The following KRT82 variants were observed in gnomAD, a reference collection of about 807,000 sequenced individuals.
KRT82 encodes the protein keratin 82.
A neutral mutation model predicts 48.0 loss-of-function variants in KRT82; 44 were observed. That is an observed-to-expected ratio of 0.92 (90% CI 0.72 to 1.18). KRT82 has a LOEUF of 1.18. Among genes scored for constraint, KRT82 ranks in the 50% most tolerant of loss-of-function variants. The pLI, the probability that KRT82 is intolerant of heterozygous loss-of-function variation, is 0.00. For synonymous variants in KRT82, 297 were observed against 278.3 expected (o/e 1.07, Z -0.67); for missense variants, 701 against 671.4 (o/e 1.04, Z -0.49).
In KRT82 at chr12:52,406,185, A is replaced by G. The variant is rs1939853226; in HGVS notation, c.93T>C (p.Tyr31=). ...GCCGGCATGGCCCCTTGCTCACTGC[A>G]TAGTGGGTGACCATCCGGGGCATGA... ...SAVMPRMVTH[Y]AVSKGPCRPG... is the part of the protein sequence containing the mutation. The change falls in exon 1 of 9, where the codon TAT becomes TAC. Residue 31 remains tyrosine, a synonymous_variant. Coordinates refer to ENST00000257974, the MANE Select transcript of KRT82 (RefSeq NM_033033.4). 1.2e-6 allele frequency: 2 copies of G among 1,613,612 alleles called. No homozygotes were observed. Among genetic ancestry groups the G allele is most frequent in the African/African-American group, 1.3e-5 (1 of 75,066 alleles).
At chr12:52,397,126 T>G (rs1939726937) in intron 5 of KRT82, 118 bp from the exon 6 acceptor site, 2 of 1,262,736 alleles carry the variant, frequency 1.6e-6, no homozygotes, top group African/African-American at 1.5e-5. Flanking sequence ...TCTCTGGTTC[T>G]CATACTGGTT....
intron 1 of KRT82, among the ~76,000 whole-genome samples, chr12:52,404,673 C>T (rs1165535017): frequency 6.6e-6 from 1 of 152,196 alleles, no homozygotes; most frequent in Non-Finnish European, 1.5e-5. Context: ...TGGTCAGTGG[C>T]TGCATCAACA....
chr12:52,399,603 A>T (rs12320716), intron 5 of KRT82, among the ~76,000 whole-genome samples: 29,539 of 152,154 alleles, frequency 0.19, 3,096 homozygotes, highest in Admixed American at 0.31. Flanking sequence ...CCATGCCACT[A>T]GCCTCCTCCC....
In KRT82 at chr12:52,393,984, G is replaced by A. The variant is rs1379448162; in HGVS notation, c.*991C>T. On this transcript the variant is annotated 3_prime_UTR_variant, in exon 9 of 9. Coordinates refer to ENST00000257974, the MANE Select transcript of KRT82 (RefSeq NM_033033.4). ...TAGGTTTATTTTGAACAGAAGCCCA[G>A]ATGTTCAGGGCAGAGGCCCTGGAGC... is the stretch of plus-strand genomic sequence containing the variant. The A allele has an allele frequency of 1.3e-5, 2 of 152,208 alleles. No homozygotes were observed. The highest frequency in any genetic ancestry group is 2.9e-5 in the Non-Finnish European group (2 of 68,048). The allele number at this position is 152,208 out of a possible 1,614,324, so 9.4% of individuals were successfully genotyped here.
At chr12:52,400,918 C>T (rs1284491536) in intron 3 of KRT82, among the ~76,000 whole-genome samples, 1 of 152,208 alleles carries the variant, frequency 6.6e-6, no homozygotes, top group African/African-American at 2.4e-5. Context: ...GTCTGAGGAA[C>T]CATCGCAATT....
intron 7 of KRT82, 62 bp from the exon 8 acceptor site, chr12:52,395,852 A>G: frequency 6.8e-7 from 1 of 1,461,458 alleles, no homozygotes; most frequent in South Asian, 1.3e-5. Context: ...TAAATGCAGC[A>G]TCTCCCCGCT....
At position 52,400,093 on chromosome 12, in the gene KRT82, G is replaced by A. The variant is rs1241944729; in HGVS notation, c.834C>T (p.Asp278=). The A allele has an allele frequency of 6.2e-7, 1 of 1,614,022 alleles. No individual in the cohort carries two copies. The highest frequency in any genetic ancestry group is 1.3e-5 in the African/African-American group (1 of 74,938). The change falls in exon 5 of 9, where the codon GAC becomes GAT. Residue 278 remains aspartate (D), a synonymous_variant. Coordinates refer to ENST00000257974, the MANE Select transcript of KRT82 (RefSeq NM_033033.4). ...ISETSVIVKM[D]NSRELDVDGI... is the part of the protein sequence containing the mutation. ...CGTCCACGTCCAGCTCCCGGCTGTT[G>A]TCCATCTTCACAATGACCGAGGTCT...
intron 2 of KRT82, among the ~76,000 whole-genome samples, chr12:52,401,729 G>A (rs374916990): frequency 2.6e-5 from 4 of 152,076 alleles, no homozygotes; most frequent in South Asian, 2.1e-4. Flanking sequence ...TGAAATTCCC[G>A]GCTGACCCTG....
chr12:52,395,628 C>G lies in KRT82; in HGVS notation c.1321+131G>C, dbSNP rs946225255. ...CCCTTTCCACCAGCCTGGGAGCTCA[C>G]GGCAGACAGAGCTCTTCCTTTGGGG... On this transcript the variant is annotated intron_variant, in intron 8 of 8. Coordinates refer to ENST00000257974, the MANE Select transcript of KRT82 (RefSeq NM_033033.4). 13 of 667,728 alleles carry G rather than the reference C, an allele frequency of 1.9e-5. 1 individual carries two copies. The South Asian group carries it at 2.6e-4, about 13-fold the overall frequency. The allele number at this position is 667,728 out of a possible 1,614,324, so 41.4% of individuals were successfully genotyped here. A position where few individuals can be genotyped will look rare whatever the true frequency, so the allele number is the denominator to read the frequency against.
intron 2 of KRT82, chr12:52,402,191 T>G (rs1051466406): frequency 1.3e-5 from 2 of 152,276 alleles, no homozygotes; most frequent in South Asian, 4.1e-4. Context: ...GTCACATGCA[T>G]TAATACCTGA....
At chr12:52,404,859 G>C (rs980101613) in intron 1 of KRT82, among the ~76,000 whole-genome samples, 1 of 152,178 alleles carries the variant, frequency 6.6e-6, no homozygotes, top group Non-Finnish European at 1.5e-5. Flanking sequence ...ATCTCCCACC[G>C]TCATTCCTCC....
Position 52,406,081 on chromosome 12 carries a change from C to T in KRT82, c.197G>A (p.Arg66Gln), listed in dbSNP as rs143466157. The change falls in exon 1 of 9, where the codon CGG becomes CAG. Residue 66 changes from arginine to glutamine, a missense_variant. By Grantham distance (43) the Arg-to-Gln change is conservative. Transcript: ENST00000257974. ...SLCNVGFGRP[R>Q]VASRCGGTLP... ...GGTACCTCCACACCTGGAGGCTACCCGGGGCCTCCCAAAGCCCACGTTGCA... is the reference window on the plus strand; with the variant it reads ...GGTACCTCCACACCTGGAGGCTACCTGGGGCCTCCCAAAGCCCACGTTGCA... 3.3e-5 allele frequency: 54 copies of T among 1,613,444 alleles called. No homozygotes were observed. In the Admixed American group the frequency reaches 3.5e-4, roughly 10 times the overall value.
rs775466482 is a variant in KRT82 at position 52,405,866 on chromosome 12, C to G, written c.411+1G>C. The G allele has an allele frequency of 1.9e-6, 3 of 1,608,272 alleles. No individual in the cohort carries two copies. The African/African-American group carries it at 4.0e-5, about 21-fold the overall frequency. On this transcript the variant is annotated splice_donor_variant, in intron 1 of 8. Coordinates refer to ENST00000257974, the MANE Select transcript of KRT82 (RefSeq NM_033033.4). LOFTEE classifies it high-confidence loss of function. ...ACGGCCCTGGGCCACTGCCCCCTTA[C>G]CTTGTTGATGAAAGATGCGAAACGG...
chr12:52,395,374 C>T (rs1434599122), intron 8 of KRT82, among the ~76,000 whole-genome samples, 179 bp from the exon 9 acceptor site: 1 of 152,154 alleles, frequency 6.6e-6, no homozygotes, highest in African/African-American at 2.4e-5. Context: ...TTGCAAGGTC[C>T]CCATGCACCT....
At position 52,400,078 on chromosome 12, in the gene KRT82, C is replaced by T; in HGVS notation, c.849G>A (p.Leu283=). The change falls in exon 5 of 9, where the codon CTG becomes CTA. Residue 283 remains leucine (L), a synonymous_variant. Transcript: ENST00000257974. ...VIVKMDNSRE[L]DVDGIIAEIK... The stretch of plus-strand genomic sequence containing the variant: ...TCTCAGCGATGATGCCGTCCACGTC[C>T]AGCTCCCGGCTGTTGTCCATCTTCA... 1 of 1,614,198 alleles carries T rather than the reference C, an allele frequency of 6.2e-7. No individual in the cohort carries two copies. The highest frequency in any genetic ancestry group is 8.5e-7 in the Non-Finnish European group (1 of 1,180,008).
rs528743846 is a variant in KRT82, at chr12:52,395,137, G to T, written c.1380C>A (p.Val460=). The T allele has an allele frequency of 6.2e-7, 1 of 1,614,072 alleles. No individual in the cohort carries two copies. Among genetic ancestry groups the T allele is most frequent in the African/African-American group, 1.3e-5 (1 of 75,022 alleles). The stretch of plus-strand genomic sequence containing the variant: ...TGCTCCTGAGGACGCCAGTGCTGAG[G>T]ACAGGCGTGCTGACCCCACATGGCT... ...LYEPCGVSTP[V]LSTGVLRSNG... The change falls in exon 9 of 9, where the codon GTC becomes GTA. Residue 460 remains valine (V), a synonymous_variant. Coordinates refer to ENST00000257974, the MANE Select transcript of KRT82 (RefSeq NM_033033.4).
chr12:52,398,628 G>A (rs1193831473), intron 5 of KRT82, among the ~76,000 whole-genome samples: 1 of 152,040 alleles, frequency 6.6e-6, no homozygotes, highest in Non-Finnish European at 1.5e-5. Flanking sequence ...TTGTTGCCAG[G>A]GGCAACCAGA....
intron 6 of KRT82, 129 bp downstream of exon 6, chr12:52,396,754 G>T: frequency 1.9e-6 from 2 of 1,044,682 alleles, no homozygotes; most frequent in South Asian, 1.6e-5. Context: ...TTCTGCTTGA[G>T]CAAGGCAGCA....
chr12:52,405,272 G>T (rs2121486243), intron 1 of KRT82, among the ~76,000 whole-genome samples: 1 of 152,358 alleles, frequency 6.6e-6, no homozygotes, highest in South Asian at 2.1e-4. Context: ...TTCCTGCAGT[G>T]GGTGCAGATT....
Sources: gnomAD v4.1 joint callset for allele counts (sites outside exome capture counted in the v4.1 genomes callset) on GRCh38, gnomAD v4.1.1 for gene constraint, MANE v1.5 for transcripts, NCBI Gene and HGNC (gene_info 2026-07-23, HGNC 2026-07-21) for gene names.